The following SUMF1 variants were observed in gnomAD, a reference collection of about 807,000 sequenced individuals.
The protein encoded by SUMF1 is sulfatase modifying factor 1.
Under a neutral mutation model 47.6 loss-of-function variants are expected in SUMF1, and 48 were observed. The observed-to-expected ratio is 1.01, with a 90% CI of 0.80 to 1.28. The LOEUF (loss-of-function observed/expected upper bound fraction) is 1.28. SUMF1 is among the 50% of genes most tolerant of loss of function. The probability of loss-of-function intolerance (pLI) is 0.00; values close to 1 mark genes in which losing one functional copy is unlikely to be tolerated. For synonymous variants in SUMF1, 230 were observed against 192.1 expected (o/e 1.20, Z -1.63); for missense variants, 571 against 485.4 (o/e 1.18, Z -1.66).
chr3:4,120,942 T>C (rs973063242), intron 8 of SUMF1, among the ~76,000 whole-genome samples: 2 of 152,204 alleles, frequency 1.3e-5, no homozygotes, highest in African/African-American at 4.8e-5. Flanking sequence ...GGCATGAGTA[T>C]TTCACATACC....
At chr3:4,117,055 T>G (rs2125074720) in intron 8 of SUMF1, among the ~76,000 whole-genome samples, 1 of 152,300 alleles carries the variant, frequency 6.6e-6, no homozygotes, top group South Asian at 2.1e-4. Context: ...CTATGTTTAC[T>G]GACACAAGAT....
intron 8 of SUMF1, among the ~76,000 whole-genome samples, chr3:4,075,281 A>G (rs959428490): frequency 3.9e-5 from 6 of 152,134 alleles, no homozygotes; most frequent in South Asian, 2.1e-4. Context: ...GGACTTGACA[A>G]AATTCAACAG....
At chr3:4,246,490 C>A (rs150778217) in intron 8 of SUMF1, among the ~76,000 whole-genome samples, 3,853 of 152,214 alleles carry the variant, frequency 0.025, 157 homozygotes, top group African/African-American at 0.087. Flanking sequence ...TAACCTCTGC[C>A]TCCCAGGTTC....
intron 8 of SUMF1, among the ~76,000 whole-genome samples, chr3:4,213,754 G>A (rs899521997): frequency 3.3e-5 from 5 of 152,118 alleles, no homozygotes; most frequent in Non-Finnish European, 7.4e-5. Context: ...AGCAGGAGTT[G>A]CAATCCCAGT....
At chr3:4,421,648 T>C (rs1053669789) in intron 3 of SUMF1, among the ~76,000 whole-genome samples, 3 of 152,054 alleles carry the variant, frequency 2.0e-5, no homozygotes, top group Non-Finnish European at 4.4e-5. Flanking sequence ...CCCAGCTAAA[T>C]TTTTTGTATT....
chr3:4,217,514 TTATATA>T lies in SUMF1; in HGVS notation c.1015-148775_1015-148770del, dbSNP rs370463309. Among the ~76,000 whole-genome samples, 9 of 45,200 alleles carry T rather than the reference TTATATA, an allele frequency of 2.0e-4. 2 individuals carry two copies. In the East Asian group the frequency reaches 5.7e-3, roughly 29 times the overall value. 29.7% of individuals were successfully genotyped at this position (45,200 alleles called of 152,430 possible). On this transcript the variant is annotated intron_variant and NMD_transcript_variant, in intron 8 of 12. Transcript: ENST00000448413. ...TGTATCCCAGAACTTAAAGTATTTT[TTATATA>T]TATATATATATATATATATGAAGAA...
At position 4,127,857 on chromosome 3, in the gene SUMF1, A is replaced by T. The variant is rs117883571; in HGVS notation, c.1015-59112T>A. On this transcript the variant is annotated intron_variant and NMD_transcript_variant, in intron 8 of 12. Coordinates refer to the SUMF1 transcript ENST00000448413. ...ATGATTAGACCCAAAAATGGGAAGGACTTTACTTCTAACAGTATGGAGAAC... is the reference window on the plus strand; with the variant it reads ...ATGATTAGACCCAAAAATGGGAAGGTCTTTACTTCTAACAGTATGGAGAAC... Among the ~76,000 whole-genome samples, 215 of 152,184 alleles carry T rather than the reference A, an allele frequency of 1.4e-3. 1 individual carries two copies. The East Asian group carries it at 0.031, about 22-fold the overall frequency.
intron 8 of SUMF1, among the ~76,000 whole-genome samples, chr3:4,114,100 A>T (rs896123499): frequency 6.6e-6 from 1 of 152,130 alleles, no homozygotes; most frequent in Non-Finnish European, 1.5e-5. Context: ...GAGATGTCCC[A>T]CACTTAAATT....
At chr3:4,083,926 T>G (rs1692619533) in intron 8 of SUMF1, among the ~76,000 whole-genome samples, 1 of 152,062 alleles carries the variant, frequency 6.6e-6, no homozygotes, top group African/African-American at 2.4e-5. Context: ...GTGGTCGGTT[T>G]GGGGATGCTT....
intron 8 of SUMF1, among the ~76,000 whole-genome samples, chr3:4,167,766 C>T (rs912380105): frequency 7.9e-5 from 12 of 152,124 alleles, no homozygotes; most frequent in African/African-American, 1.2e-4. Flanking sequence ...AAGAAGCAAG[C>T]GCTAAGATTT....
intron 7 of SUMF1, among the ~76,000 whole-genome samples, chr3:4,407,526 TCACCAAACTCCCCCAATTC>T (rs528238418): frequency 6.6e-6 from 1 of 152,288 alleles, no homozygotes; most frequent in East Asian, 1.9e-4. Flanking sequence ...GTCTGGACAG[TCACCAAACTCCCCCAATTC>T]CATATATCTG....
intron 8 of SUMF1, among the ~76,000 whole-genome samples, chr3:4,326,522 G>GTTTTTTTTTTTTTTTTTTTTTT (rs35648890): frequency 9.3e-5 from 12 of 128,680 alleles, no homozygotes; most frequent in African/African-American, 3.4e-4. Flanking sequence ...TTTTCCAAGG[G>GTTTTTTTTTTTTTTTTTTTTTT]TTTTTTTTTT....
chr3:4,341,768 G>T (rs895206026), intron 8 of SUMF1, among the ~76,000 whole-genome samples: 1 of 152,116 alleles, frequency 6.6e-6, no homozygotes, highest in Non-Finnish European at 1.5e-5. Context: ...CCTATAAGTG[G>T]CTTGTGGCTT....
At chr3:4,042,886 C>CAG (rs533288189) in intron 9 of SUMF1, among the ~76,000 whole-genome samples, 15 of 152,212 alleles carry the variant, frequency 9.9e-5, no homozygotes, top group African/African-American at 3.6e-4. Context: ...AAGGCAAGTC[C>CAG]AGTGCCCTTG....
At chr3:4,462,895 T>C (rs1220906362) in intron 1 of SUMF1, among the ~76,000 whole-genome samples, 1 of 152,222 alleles carries the variant, frequency 6.6e-6, no homozygotes, top group Non-Finnish European at 1.5e-5. Flanking sequence ...CTTGCAGTTC[T>C]GAGCTATATG....
At chr3:4,301,726 A>G (rs1456523489) in intron 8 of SUMF1, among the ~76,000 whole-genome samples, 1 of 152,234 alleles carries the variant, frequency 6.6e-6, no homozygotes, top group Non-Finnish European at 1.5e-5. Context: ...TTAACTTTAA[A>G]GAAGAAAAAG....
rs1194707432 is a variant in SUMF1 at position 4,170,294 on chromosome 3, T to C, written c.1015-101549A>G. On this transcript the variant is annotated intron_variant and NMD_transcript_variant, in intron 8 of 12. Coordinates refer to the SUMF1 transcript ENST00000448413. ...ATCTATATCAATGGTTCTCAAACTT[T>C]AGTGGGTACCAGAATCACCTGGAGG... Among the ~76,000 whole-genome samples the C allele has an allele frequency of 2.6e-5, 4 of 152,196 alleles. No homozygotes were observed. In the East Asian group the frequency reaches 7.7e-4, roughly 29 times the overall value.
At chr3:4,241,713 A>C (rs1696541037) in intron 8 of SUMF1, among the ~76,000 whole-genome samples, 2 of 152,178 alleles carry the variant, frequency 1.3e-5, no homozygotes, top group South Asian at 4.1e-4. Flanking sequence ...CACCAAGGGA[A>C]TTGAGGAAAC....
intron 8 of SUMF1, among the ~76,000 whole-genome samples, chr3:4,151,467 G>A (rs1280447083): frequency 7.1e-6 from 1 of 141,232 alleles, no homozygotes; most frequent in African/African-American, 2.7e-5. Context: ...GTGTATATAT[G>A]TATATATGTA....
Sources: allele counts gnomAD v4.1 joint callset (sites outside exome capture counted in the v4.1 genomes callset), GRCh38; gene constraint gnomAD v4.1.1; transcripts MANE v1.5; gene names NCBI Gene and HGNC (gene_info 2026-07-23, HGNC 2026-07-21).